Variants in SH3BP4 observed in about 807,000 individuals in gnomAD.
SH3BP4 encodes the protein SH3 domain binding protein 4.
Under a neutral mutation model 65.5 loss-of-function variants are expected in SH3BP4, and 33 were observed. That is an observed-to-expected ratio of 0.50 (90% confidence interval 0.38 to 0.67). SH3BP4 has a LOEUF of 0.67. Among genes scored for constraint, SH3BP4 ranks in the 30% least tolerant of loss-of-function variants. The pLI is 0.00. For synonymous variants in SH3BP4, 552 were observed against 545.5 expected (o/e 1.01, Z -0.17); for missense variants, 1,134 against 1,261.4 (o/e 0.90, Z 1.53).
chr2:235,017,470 C>T (rs1195154705), intron 2 of SH3BP4, among the ~76,000 whole-genome samples: 1 of 151,502 alleles, frequency 6.6e-6, no homozygotes, highest in South Asian at 2.1e-4. Context: ...AAAAGAAATC[C>T]TTTCCTAAGC....
At position 234,977,481 on chromosome 2, in the gene SH3BP4, C is replaced by T. The variant is rs376416939; in HGVS notation, c.-206-17822C>T. Among the ~76,000 whole-genome samples, 27 of 152,280 alleles carry T rather than the reference C, an allele frequency of 1.8e-4. No individual in the cohort carries two copies. Among genetic ancestry groups the T allele is most frequent in the Admixed American group, 1.6e-3 (24 of 15,296 alleles). On this transcript the variant is annotated intron_variant, in intron 1 of 5. Transcript: ENST00000392011. The surrounding 1 kb of genome is among the most constrained non-coding windows in gnomAD (Gnocchi z 5.1). ...CTTTTTGCCGAGTGAACTTGAGAACCGGAGCAGAGCTGCAGGGACAATGGT... is the reference window on the plus strand; with the variant it reads ...CTTTTTGCCGAGTGAACTTGAGAACTGGAGCAGAGCTGCAGGGACAATGGT...
Position 234,977,487 on chromosome 2 carries a change from A to G in SH3BP4, c.-206-17816A>G, listed in dbSNP as rs1027940913. ...GCCGAGTGAACTTGAGAACCGGAGC[A>G]GAGCTGCAGGGACAATGGTGCATTA... On this transcript the variant is annotated intron_variant, in intron 1 of 5. Coordinates refer to ENST00000392011, the MANE Select transcript of SH3BP4 (RefSeq NM_014521.3). This position sits in a 1 kb window ranked among gnomAD's most constrained non-coding sequence, Gnocchi z 5.1. 6.6e-6 allele frequency among the ~76,000 whole-genome samples: 1 copy of G among 152,230 alleles called. No homozygotes were observed. The highest frequency in any genetic ancestry group is 1.5e-5 in the Non-Finnish European group (1 of 68,038).
intron 1 of SH3BP4, among the ~76,000 whole-genome samples, chr2:234,968,714 C>T (rs1692901728): frequency 6.6e-6 from 1 of 152,164 alleles, no homozygotes; most frequent in Non-Finnish European, 1.5e-5. Flanking sequence ...TTGCCCCTTC[C>T]CCGATCCACA....
At chr2:234,993,575 C>T (rs1455446414) in intron 1 of SH3BP4, among the ~76,000 whole-genome samples, 30 of 152,156 alleles carry the variant, frequency 2.0e-4, no homozygotes, top group Admixed American at 1.6e-3. Flanking sequence ...GGAGAAGTTG[C>T]GGAAGTCTGA....
At chr2:234,981,932 C>T (rs969845096) in intron 1 of SH3BP4, among the ~76,000 whole-genome samples, 1 of 152,144 alleles carries the variant, frequency 6.6e-6, no homozygotes, top group African/African-American at 2.4e-5. Flanking sequence ...GCTCGGCTGC[C>T]ATTTTCCCGT....
Position 235,042,356 on chromosome 2 carries a change from C to T in SH3BP4, c.1587C>T (p.Phe529=), listed in dbSNP as rs765228030. ...VALQLWGKHQ[F]VLSRPQDLKV... ...TGCAGCTGTGGGGGAAGCACCAGTT[C>T]GTTTTGTCCAGGCCCCAGGATCTCA... is the stretch of plus-strand genomic sequence containing the variant. Residue 529 remains phenylalanine, a synonymous_variant, in exon 4 of 6, where the codon TTC becomes TTT. Coordinates refer to ENST00000392011, the MANE Select transcript of SH3BP4 (RefSeq NM_014521.3). This position sits in a 1 kb window ranked among gnomAD's most constrained non-coding sequence, Gnocchi z 7.3. 4.3e-6 allele frequency: 7 copies of T among 1,614,150 alleles called. No homozygotes were observed. Among genetic ancestry groups the T allele is most frequent in the South Asian group, 3.3e-5 (3 of 91,080 alleles).
In SH3BP4 at chr2:235,033,823, C is replaced by T. The variant is rs557557016; in HGVS notation, c.-132-1048C>T. On this transcript the variant is annotated intron_variant, in intron 2 of 5. Coordinates refer to ENST00000392011, the MANE Select transcript of SH3BP4 (RefSeq NM_014521.3). This position sits in a 1 kb window ranked among gnomAD's most constrained non-coding sequence, Gnocchi z 5.7. ...TTGCAAAGGGTGGTGTCAGGGCCTCCGGGTCTCTGCATGGTAAAGGCAGCA... is the reference window on the plus strand; with the variant it reads ...TTGCAAAGGGTGGTGTCAGGGCCTCTGGGTCTCTGCATGGTAAAGGCAGCA... Among the ~76,000 whole-genome samples the T allele has an allele frequency of 2.8e-4, 43 of 152,258 alleles. No homozygotes were observed. Among genetic ancestry groups the T allele is most frequent in the South Asian group, 4.1e-4 (2 of 4,824 alleles).
Position 235,052,644 on chromosome 2 carries a change from C to T in SH3BP4, c.2561C>T (p.Ala854Val). The T allele has an allele frequency of 3.2e-6, 5 of 1,582,182 alleles. No homozygotes were observed. Among genetic ancestry groups the T allele is most frequent in the Non-Finnish European group, 4.3e-6 (5 of 1,165,008 alleles). The change falls in exon 5 of 6, where the codon GCC becomes GTC. Residue 854 changes from alanine (A) to valine (V), a missense_variant. Coordinates refer to ENST00000392011, the MANE Select transcript of SH3BP4 (RefSeq NM_014521.3). The surrounding 1 kb of genome is among the most constrained non-coding windows in gnomAD (Gnocchi z 5.0). ...CTCCTGACCACGGCTGTAGAGGTGG[C>T]CCAGCGCTGGCGGGAGCTGGCTGAG... ...FVLLTTAVEV[A>V]QRWRELAEKL... is the part of the protein sequence containing the mutation.
chr2:234,988,619 G>T (rs1331169225), intron 1 of SH3BP4, among the ~76,000 whole-genome samples: 35 of 152,118 alleles, frequency 2.3e-4, no homozygotes, highest in Admixed American at 2.2e-3. Context: ...CAAAGGCAGG[G>T]GGCCTCCGCC....
intron 1 of SH3BP4, among the ~76,000 whole-genome samples, chr2:234,987,310 T>C (rs1693591788): frequency 6.6e-6 from 1 of 150,552 alleles, no homozygotes; most frequent in Admixed American, 6.6e-5. Context: ...GCACTCAGTG[T>C]CTGGTATATT....
rs1295064759 is a variant in SH3BP4 at position 235,045,643 on chromosome 2, T to C, written c.2478+2396T>C. 7.1e-6 allele frequency among the ~76,000 whole-genome samples: 1 copy of C among 140,892 alleles called. No homozygotes were observed. The highest frequency in any genetic ancestry group is 2.5e-5 in the African/African-American group (1 of 39,538). The allele number at this position is 140,892 out of a possible 152,430, so 92.4% of individuals were successfully genotyped here. On this transcript the variant is annotated intron_variant, in intron 4 of 5. Transcript: ENST00000392011. This position sits in a 1 kb window ranked among gnomAD's most constrained non-coding sequence, Gnocchi z 4.3. ...CCCCCCACACCTGTGTCAGTCATCATCTTGGCCAAACTTATAGAAACCACA... is the reference window on the plus strand; with the variant it reads ...CCCCCCACACCTGTGTCAGTCATCACCTTGGCCAAACTTATAGAAACCACA...
chr2:235,007,817 C>T (rs988284189), intron 2 of SH3BP4, among the ~76,000 whole-genome samples: 1 of 152,122 alleles, frequency 6.6e-6, no homozygotes, highest in Non-Finnish European at 1.5e-5. Context: ...ACGGTTTGGC[C>T]ATCAGCAGAG....
intron 1 of SH3BP4, among the ~76,000 whole-genome samples, chr2:234,959,063 C>A (rs1692649405): frequency 6.6e-6 from 1 of 152,038 alleles, no homozygotes; most frequent in African/African-American, 2.4e-5. Context: ...AAAGACCTTC[C>A]CCAAATGCTT....
chr2:234,986,797 G>A (rs931478031), intron 1 of SH3BP4, among the ~76,000 whole-genome samples: 65 of 146,128 alleles, frequency 4.4e-4, no homozygotes, highest in African/African-American at 1.6e-3. Flanking sequence ...GATACATTAT[G>A]CTAATGATTT....
chr2:235,038,351 TATATA>T (rs1221612065), intron 3 of SH3BP4, among the ~76,000 whole-genome samples: 534 of 20,000 alleles, frequency 0.027, 39 homozygotes, highest in African/African-American at 0.099. Context: ...ATATATATTT[TATATA>T]TATATATATA....
chr2:235,000,559 G>C (rs966203980), intron 2 of SH3BP4, among the ~76,000 whole-genome samples: 5 of 152,136 alleles, frequency 3.3e-5, no homozygotes, highest in Non-Finnish European at 7.3e-5. Flanking sequence ...TCTTGGGCTC[G>C]GGCTCTGATG....
rs374175616 is a variant in SH3BP4 at position 234,958,177 on chromosome 2, G to A, written c.-207+6007G>A. ...AGATGAAGGAAAGAGAAACCCTACC[G>A]CCCAAGGACCATAGCTGAACACTTT... On this transcript the variant is annotated intron_variant, in intron 1 of 5. Coordinates refer to ENST00000392011, the MANE Select transcript of SH3BP4 (RefSeq NM_014521.3). Among the ~76,000 whole-genome samples the A allele has an allele frequency of 1.8e-3, 267 of 152,224 alleles. 1 individual carries two copies. The highest frequency in any genetic ancestry group is 6.1e-3 in the African/African-American group (254 of 41,550).
rs148142077 is a variant in SH3BP4 at position 235,040,955 on chromosome 2, G to A, written c.186G>A (p.Ala62=). The change falls in exon 4 of 6, where the codon GCG becomes GCA. Residue 62 remains alanine (A), a synonymous_variant. Coordinates refer to ENST00000392011, the MANE Select transcript of SH3BP4 (RefSeq NM_014521.3). ...TPFGNAKEVI[A]IKDYCPTNFT... is the part of the protein sequence containing the mutation. The stretch of plus-strand genomic sequence containing the variant: ...TCGGAAATGCAAAGGAAGTGATTGC[G>A]ATCAAGGACTATTGCCCCACCAACT... 5.2e-5 allele frequency: 84 copies of A among 1,614,016 alleles called. No individual in the cohort carries two copies. Among genetic ancestry groups the A allele is most frequent in the Admixed American group, 4.7e-4 (28 of 60,002 alleles).
chr2:235,022,506 G>A (rs1286420019), intron 2 of SH3BP4, among the ~76,000 whole-genome samples: 1 of 152,074 alleles, frequency 6.6e-6, no homozygotes, highest in Non-Finnish European at 1.5e-5. Flanking sequence ...GGGCGACAGA[G>A]CGAGACTCTG....
Sources: gnomAD v4.1 joint callset for allele counts (sites outside exome capture counted in the v4.1 genomes callset) on GRCh38, gnomAD v4.1.1 for gene constraint, Gnocchi (gnomAD v3.1) non-coding constraint, MANE v1.5 for transcripts, NCBI Gene and HGNC (gene_info 2026-07-23, HGNC 2026-07-21) for gene names.